Variants in SEMA5A observed in about 807,000 individuals in gnomAD.
SEMA5A encodes semaphorin-5A.
A neutral mutation model predicts 135.5 loss-of-function variants in SEMA5A; 55 were observed. The ratio of observed to expected loss-of-function variants is 0.41; its 90% CI spans 0.33 to 0.51. The LOEUF (loss-of-function observed/expected upper bound fraction) is 0.51, where lower values mean the gene tolerates loss of function less well. Among genes scored for constraint, SEMA5A ranks in the 20% least tolerant of loss-of-function variants. The pLI is 0.37. For missense variants in SEMA5A, 1,290 were observed against 1,419.9 expected, an observed-to-expected ratio of 0.91 and a Z score of 1.47; for synonymous variants, 580 against 546.5, an observed-to-expected ratio of 1.06 and a Z score of -0.85.
At chr5:9,308,510 C>T (rs1049871409) in intron 5 of SEMA5A, among the ~76,000 whole-genome samples, 2 of 152,256 alleles carry the variant, frequency 1.3e-5, no homozygotes, top group Admixed American at 6.5e-5. Flanking sequence ...ACACTCCCTA[C>T]CTTTTGAGAG....
chr5:9,495,432 A>G (rs541603682), intron 1 of SEMA5A, among the ~76,000 whole-genome samples: 1 of 152,308 alleles, frequency 6.6e-6, no homozygotes, highest in East Asian at 1.9e-4. Context: ...CACCCAAGCA[A>G]GACAGCTTGG....
At chr5:9,456,378 A>G (rs1406038345) in intron 1 of SEMA5A, among the ~76,000 whole-genome samples, 1 of 152,250 alleles carries the variant, frequency 6.6e-6, no homozygotes, top group Non-Finnish European at 1.5e-5. Context: ...AGGAAGAGGA[A>G]GGAGGTTAGG....
chr5:9,469,338 T>C (rs17259832), intron 1 of SEMA5A, among the ~76,000 whole-genome samples: 44,029 of 152,084 alleles, frequency 0.29, 6,773 homozygotes, highest in East Asian at 0.54. Context: ...GCTAGTGAAT[T>C]TAGCATAAGG....
chr5:9,543,315 T>A lies in SEMA5A; in HGVS notation c.-175+2269A>T, dbSNP rs549629001. Among the ~76,000 whole-genome samples the A allele has an allele frequency of 2.0e-5, 3 of 152,374 alleles. 1 individual carries two copies. The South Asian group carries it at 6.2e-4, about 32-fold the overall frequency. On this transcript the variant is annotated intron_variant, in intron 1 of 22. Coordinates refer to ENST00000382496, the MANE Select transcript of SEMA5A (RefSeq NM_003966.3). ...AAGTTTGTATAAATGTGCTTGTATT[T>A]ATTTCGGTCTCGTGGTCAATAAGTT...
Position 9,202,122 on chromosome 5 carries a change from C to A in SEMA5A, c.765G>T (p.Lys255Asn). 1.2e-6 allele frequency: 2 copies of A among 1,614,186 alleles called. No individual in the cohort carries two copies. Among genetic ancestry groups the A allele is most frequent in the Non-Finnish European group, 1.7e-6 (2 of 1,180,024 alleles). The change falls in exon 9 of 23, where the codon AAG (lysine) becomes AAT (asparagine). Residue 255 changes from lysine (K) to asparagine (N), a missense_variant. Coordinates refer to ENST00000382496, the MANE Select transcript of SEMA5A (RefSeq NM_003966.3). ...GCAGGAAGCGCCCACCAATATCGTT[C>A]TTGCACACCCGGGCAGCTCTGGAGA... ...TVFSRAARVC[K>N]NDIGGRFLLE...
At position 9,343,134 on chromosome 5, in the gene SEMA5A, T is replaced by A. The variant is rs182572972; in HGVS notation, c.125-5322A>T. Among the ~76,000 whole-genome samples, 10 of 152,318 alleles carry A rather than the reference T, an allele frequency of 6.6e-5. No homozygotes were observed. The East Asian group carries it at 1.7e-3, about 26-fold the overall frequency. Reference sequence around the variant, plus strand: ...CAAAACCAGCTACTACTTTAACCTGTGAATAAAATATTGATTGTTTTTGCC... The same window carrying A: ...CAAAACCAGCTACTACTTTAACCTGAGAATAAAATATTGATTGTTTTTGCC... On this transcript the variant is annotated intron_variant, in intron 3 of 22. Transcript: ENST00000382496.
intron 11 of SEMA5A, among the ~76,000 whole-genome samples, chr5:9,183,710 T>G (rs1197278024): frequency 6.6e-6 from 1 of 152,210 alleles, no homozygotes; most frequent in Non-Finnish European, 1.5e-5. Context: ...TGACACCTTA[T>G]TGCTTCTTCC....
intron 22 of SEMA5A, among the ~76,000 whole-genome samples, chr5:9,043,894 C>A (rs1315846348): frequency 6.6e-6 from 1 of 152,174 alleles, no homozygotes; most frequent in Non-Finnish European, 1.5e-5. Flanking sequence ...CTCAGAGGAG[C>A]CCCTTTCTTG....
chr5:9,164,222 T>C (rs1743479369), intron 11 of SEMA5A, among the ~76,000 whole-genome samples: 2 of 141,840 alleles, frequency 1.4e-5, no homozygotes, highest in South Asian at 4.2e-4. Flanking sequence ...TAATTATAAA[T>C]ATAGCATATA....
intron 12 of SEMA5A, among the ~76,000 whole-genome samples, chr5:9,140,522 G>T (rs1022675831): frequency 1.9e-4 from 29 of 152,208 alleles, no homozygotes; most frequent in Non-Finnish European, 8.8e-5. Context: ...AGACCCGGGT[G>T]GGGTGAGCGC....
In SEMA5A at chr5:9,038,581, C is replaced by A. The variant is rs1187797615; in HGVS notation, c.*4316G>T. On this transcript the variant is annotated 3_prime_UTR_variant, in exon 23 of 23. Coordinates refer to ENST00000382496, the MANE Select transcript of SEMA5A (RefSeq NM_003966.3). ...AAATGAATATTTGTAAATTCAAATG[C>A]TAACAAGGCTGTGTTTAGACAAAAC... 1 of 152,134 alleles carries A rather than the reference C, an allele frequency of 6.6e-6. No homozygotes were observed. The highest frequency in any genetic ancestry group is 1.5e-5 in the Non-Finnish European group (1 of 68,028). The allele number at this position is 152,134 out of a possible 1,614,324, so 9.4% of individuals were successfully genotyped here. A position where few individuals can be genotyped will look rare whatever the true frequency, so the allele number is the denominator to read the frequency against.
At position 9,044,497 on chromosome 5, in the gene SEMA5A, T is replaced by C. The variant is rs1736136314; in HGVS notation, c.2981A>G (p.Gln994Arg). The change falls in exon 22 of 23, where the codon CAG (glutamine) becomes CGG (arginine). Residue 994 changes from glutamine (Q) to arginine (R), a missense_variant. Gln to Arg is a conservative substitution (Grantham distance 43, BLOSUM62 1). Transcript: ENST00000382496. ...LLTLLVYTYC[Q>R]RYQQQSHDAT... ...ATCGTGGGATTGCTGCTGGTACCGC[T>C]GGCAGTAAGTATAGACGAGCAGGGT... 24 of 1,613,994 alleles carry C rather than the reference T, an allele frequency of 1.5e-5. No homozygotes were observed. Among genetic ancestry groups the C allele is most frequent in the Non-Finnish European group, 1.9e-5 (22 of 1,180,000 alleles).
Position 9,366,085 on chromosome 5 carries a change from G to A in SEMA5A, c.124+13738C>T, listed in dbSNP as rs1754901765. Among the ~76,000 whole-genome samples, 2 of 152,152 alleles carry A rather than the reference G, an allele frequency of 1.3e-5. 1 individual carries two copies. The highest frequency in any genetic ancestry group is 2.9e-5 in the Non-Finnish European group (2 of 68,030). On this transcript the variant is annotated intron_variant, in intron 3 of 22. Coordinates refer to ENST00000382496, the MANE Select transcript of SEMA5A (RefSeq NM_003966.3). ...TTCTAATGGATATTCTAGCTTAATA[G>A]CCAGTGAGCTTTCGGGGTAAGGGTT... is the stretch of plus-strand genomic sequence containing the variant.
At chr5:9,364,119 T>G (rs1211350969) in intron 3 of SEMA5A, among the ~76,000 whole-genome samples, 1 of 152,214 alleles carries the variant, frequency 6.6e-6, no homozygotes, top group Non-Finnish European at 1.5e-5. Context: ...CCTTGCTAAG[T>G]TAATTTTTCT....
At chr5:9,514,411 G>A (rs974734203) in intron 1 of SEMA5A, among the ~76,000 whole-genome samples, 5 of 152,106 alleles carry the variant, frequency 3.3e-5, no homozygotes, top group Non-Finnish European at 5.9e-5. Context: ...CAGCAGCAGA[G>A]GTTAACCTCT....
intron 3 of SEMA5A, among the ~76,000 whole-genome samples, chr5:9,346,890 A>ATGTG (rs1213907992): frequency 1.5e-5 from 2 of 135,890 alleles, no homozygotes; most frequent in African/African-American, 5.9e-5. Context: ...GTGTATATAT[A>ATGTG]TATGTGTGTG....
At chr5:9,295,811 C>A (rs1041548900) in intron 5 of SEMA5A, among the ~76,000 whole-genome samples, 2 of 152,178 alleles carry the variant, frequency 1.3e-5, no homozygotes, top group African/African-American at 4.8e-5. Flanking sequence ...TAGCTATGAT[C>A]ATCATTATAT....
intron 4 of SEMA5A, among the ~76,000 whole-genome samples, chr5:9,330,398 A>G (rs1753077156): frequency 6.7e-6 from 1 of 149,028 alleles, no homozygotes; most frequent in Admixed American, 6.6e-5. Flanking sequence ...TCAAAAAAAA[A>G]AAAAAAAGTA....
At position 9,099,683 on chromosome 5, in the gene SEMA5A, G is replaced by T. The variant is rs570768783; in HGVS notation, c.2073+8457C>A. Reference sequence around the variant, plus strand: ...TATTTGAAGGGTAGCTTCCACAAAGGGGAGGGGAAATACAAAGCAGTTAGA... The same window carrying T: ...TATTTGAAGGGTAGCTTCCACAAAGTGGAGGGGAAATACAAAGCAGTTAGA... On this transcript the variant is annotated intron_variant, in intron 16 of 22. Coordinates refer to ENST00000382496, the MANE Select transcript of SEMA5A (RefSeq NM_003966.3). Among the ~76,000 whole-genome samples, 4 of 152,294 alleles carry T rather than the reference G, an allele frequency of 2.6e-5. No individual in the cohort carries two copies. The East Asian group carries it at 7.7e-4, about 29-fold the overall frequency.
Sources: allele counts gnomAD v4.1 joint callset (sites outside exome capture counted in the v4.1 genomes callset), GRCh38; gene constraint gnomAD v4.1.1; transcripts MANE v1.5; gene names NCBI Gene and HGNC (gene_info 2026-07-23, HGNC 2026-07-21).